The following EXOC4 variants were observed in gnomAD, a reference collection of about 807,000 sequenced individuals.
EXOC4 encodes exocyst complex component 4.
EXOC4 carries 71 observed loss-of-function variants against 107.2 expected under a neutral mutation model. The observed-to-expected ratio is 0.66, with a 90% confidence interval of 0.55 to 0.81. The LOEUF is 0.81. Ranked by LOEUF, EXOC4 falls within the 30% of genes least tolerant of loss-of-function variation. The pLI, the probability that EXOC4 is intolerant of heterozygous loss-of-function variation, is 0.00. For missense variants in EXOC4, 1,108 were observed against 1,189.6 expected (o/e 0.93, Z 1.01); for synonymous variants, 456 against 441.2 (o/e 1.03, Z -0.42).
intron 10 of EXOC4, among the ~76,000 whole-genome samples, chr7:133,726,145 A>G (rs559546804): frequency 3.3e-5 from 5 of 152,338 alleles, no homozygotes; most frequent in African/African-American, 1.2e-4. Context: ...TATTAAAACC[A>G]TGGGTAGGAA....
At chr7:133,323,854 G>A (rs1467857951) in intron 5 of EXOC4, among the ~76,000 whole-genome samples, 12 of 151,902 alleles carry the variant, frequency 7.9e-5, no homozygotes, top group African/African-American at 2.7e-4. Context: ...CTTTTTTTTC[G>A]TTGGTAAGCT....
Position 133,380,325 on chromosome 7 carries a change from C to T in EXOC4, c.1182+5323C>T, listed in dbSNP as rs922054100. ...ATTTGGGGATTCTGTCTTTAAGTTACGGAATGAGTTGTTTAAACAGCTTTA... is the reference window on the plus strand; with the variant it reads ...ATTTGGGGATTCTGTCTTTAAGTTATGGAATGAGTTGTTTAAACAGCTTTA... On this transcript the variant is annotated intron_variant, in intron 7 of 17. Transcript: ENST00000253861. Among the ~76,000 whole-genome samples the T allele has an allele frequency of 4.0e-5, 6 of 151,522 alleles. No individual in the cohort carries two copies. The East Asian group carries it at 5.8e-4, about 15-fold the overall frequency.
At chr7:134,080,848 AG>A in the EXOC4 span, among the ~76,000 whole-genome samples, 115 of 152,070 alleles carry the variant, frequency 7.6e-4, no homozygotes, top group Non-Finnish European at 7.6e-4. Context: ...TGGGAAGCTG[AG>A]GCAGAAGGAC....
chr7:133,679,137 A>C (rs1434044225), intron 10 of EXOC4, among the ~76,000 whole-genome samples: 1 of 152,190 alleles, frequency 6.6e-6, no homozygotes, highest in Non-Finnish European at 1.5e-5. Context: ...ACCATAGAAA[A>C]GCAGGACAAG....
At chr7:133,795,024 C>A (rs1334107707) in intron 10 of EXOC4, among the ~76,000 whole-genome samples, 1 of 151,738 alleles carries the variant, frequency 6.6e-6, no homozygotes, top group Non-Finnish European at 1.5e-5. Context: ...AAGCAACTAC[C>A]CATTATGCAT....
At chr7:133,812,857 C>T (rs2550995) in intron 10 of EXOC4, among the ~76,000 whole-genome samples, 131,969 of 152,016 alleles carry the variant, frequency 0.87, 57,454 homozygotes, top group East Asian at 0.99. Context: ...TTACCCCTCC[C>T]GGAAATTTTG....
intron 12 of EXOC4, among the ~76,000 whole-genome samples, chr7:133,898,701 G>A (rs1216587688): frequency 7.1e-6 from 1 of 140,386 alleles, no homozygotes; most frequent in Non-Finnish European, 1.5e-5. Flanking sequence ...AGCAGAGATC[G>A]CGCCACTGCA....
intron 1 of EXOC4, among the ~76,000 whole-genome samples, chr7:133,273,064 G>T (rs1303254946): frequency 6.6e-6 from 1 of 152,094 alleles, no homozygotes; most frequent in Admixed American, 6.5e-5. Context: ...TGTTACAAGG[G>T]GAAATAATAG....
intron 10 of EXOC4, among the ~76,000 whole-genome samples, chr7:133,680,711 A>G (rs1794168463): frequency 6.6e-6 from 1 of 152,214 alleles, no homozygotes; most frequent in Non-Finnish European, 1.5e-5. Flanking sequence ...AAAGGTAGTT[A>G]TTTGAATACA....
intron 10 of EXOC4, among the ~76,000 whole-genome samples, chr7:133,639,624 A>G (rs968419840): frequency 9.9e-5 from 15 of 152,186 alleles, no homozygotes; most frequent in Admixed American, 2.0e-4. Context: ...TGGAAGCATC[A>G]TAAAGGAAGT....
At chr7:133,609,828 C>G (rs1047990447) in intron 9 of EXOC4, among the ~76,000 whole-genome samples, 1 of 152,128 alleles carries the variant, frequency 6.6e-6, no homozygotes, top group Non-Finnish European at 1.5e-5. Context: ...TAGAATTGGC[C>G]ACGATGGGTG....
chr7:134,068,460 T>C (rs1025867073), downstream of EXOC4, among the ~76,000 whole-genome samples: 1 of 152,194 alleles, frequency 6.6e-6, no homozygotes, highest in Non-Finnish European at 1.5e-5. Flanking sequence ...TTGCTCCTCC[T>C]TCACCTTTCG....
At chr7:133,714,312 G>A (rs1461309071) in intron 10 of EXOC4, among the ~76,000 whole-genome samples, 1 of 152,104 alleles carries the variant, frequency 6.6e-6, no homozygotes, top group Admixed American at 6.6e-5. Flanking sequence ...CCTACTGACG[G>A]AGAGGTCACC....
intron 9 of EXOC4, among the ~76,000 whole-genome samples, chr7:133,485,730 A>C: frequency 6.6e-6 from 1 of 152,150 alleles, no homozygotes; most frequent in East Asian, 1.9e-4. Context: ...TAGGCGCTTT[A>C]AGACATATAT....
At chr7:133,703,184 G>A (rs1369356875) in intron 10 of EXOC4, among the ~76,000 whole-genome samples, 1 of 152,114 alleles carries the variant, frequency 6.6e-6, no homozygotes, top group African/African-American at 2.4e-5. Flanking sequence ...GCTGTGCCAG[G>A]CACGCACCAC....
chr7:133,320,654 C>G (rs572916469), intron 5 of EXOC4, among the ~76,000 whole-genome samples: 51 of 152,350 alleles, frequency 3.3e-4, no homozygotes, highest in East Asian at 1.9e-3. Flanking sequence ...CTGCTTACCA[C>G]ACTCTACGCT....
chr7:133,647,165 A>G (rs1360866940), intron 10 of EXOC4, among the ~76,000 whole-genome samples: 1 of 152,210 alleles, frequency 6.6e-6, no homozygotes, highest in Non-Finnish European at 1.5e-5. Context: ...AGAAATAGTA[A>G]TGAGCATACA....
chr7:133,271,596 C>T (rs1490351810), intron 1 of EXOC4, among the ~76,000 whole-genome samples: 1 of 152,214 alleles, frequency 6.6e-6, no homozygotes, highest in African/African-American at 2.4e-5. Context: ...CCAGTCCAGT[C>T]TCTGAGCTTA....
chr7:133,659,623 T>A (rs536242793), intron 10 of EXOC4, among the ~76,000 whole-genome samples: 2 of 152,312 alleles, frequency 1.3e-5, no homozygotes, highest in South Asian at 4.1e-4. Context: ...TCCTGGTCCT[T>A]ACGTTGGACC....
Sources: gnomAD v4.1 joint callset for allele counts (sites outside exome capture counted in the v4.1 genomes callset) on GRCh38, gnomAD v4.1.1 for gene constraint, MANE v1.5 for transcripts, NCBI Gene and HGNC (gene_info 2026-07-23, HGNC 2026-07-21) for gene names.